The following TMTC2 variants were observed in gnomAD, a reference collection of about 807,000 sequenced individuals.
The protein encoded by TMTC2 is transmembrane O-mannosyltransferase targeting cadherins 2.
TMTC2 carries 43 observed loss-of-function variants against 82.4 expected under a neutral mutation model. The observed-to-expected ratio is 0.52, with a 90% CI of 0.41 to 0.67. The LOEUF is 0.67. Among genes scored for constraint, TMTC2 ranks in the 30% least tolerant of loss-of-function variants. The pLI is 0.00. For missense variants in TMTC2, 919 were observed against 1,012.4 expected (o/e 0.91, Z 1.25); for synonymous variants, 408 against 381.9 (o/e 1.07, Z -0.80).
chr12:82,709,164 T>A (rs1873513058), intron 1 of TMTC2, among the ~76,000 whole-genome samples: 1 of 152,026 alleles, frequency 6.6e-6, no homozygotes, highest in South Asian at 2.1e-4. Flanking sequence ...TTTTTGAGAC[T>A]CCCCATTTGT....
intron 8 of TMTC2, among the ~76,000 whole-genome samples, chr12:83,030,242 C>T (rs1004184482): frequency 5.3e-5 from 8 of 151,974 alleles, no homozygotes; most frequent in Non-Finnish European, 8.8e-5. Context: ...TTCTTAGTAC[C>T]CTTGGATTGT....
At chr12:82,903,606 G>C (rs908359118) in intron 3 of TMTC2, among the ~76,000 whole-genome samples, 19 of 152,038 alleles carry the variant, frequency 1.2e-4, no homozygotes, top group African/African-American at 4.6e-4. Context: ...GTAGAGACGG[G>C]GTTTCACCGT....
rs933031512 is a variant in TMTC2 at position 82,991,663 on chromosome 12, A to G, written c.2070+5617A>G. Among the ~76,000 whole-genome samples the G allele has an allele frequency of 3.9e-5, 6 of 152,246 alleles. No individual in the cohort carries two copies. The East Asian group carries it at 5.8e-4, about 15-fold the overall frequency. On this transcript the variant is annotated intron_variant, in intron 8 of 11. Coordinates refer to ENST00000321196, the MANE Select transcript of TMTC2 (RefSeq NM_152588.3). The stretch of plus-strand genomic sequence containing the variant: ...ATGTCCAATTAAAATACTAAACACA[A>G]GATGAGTTTGAATTGCTCTGCTTAA...
Position 82,830,132 on chromosome 12 carries a change from G to GT in TMTC2, c.84-26869dup, listed in dbSNP as rs533535957. Among the ~76,000 whole-genome samples the GT allele has an allele frequency of 2.0e-3, 295 of 151,124 alleles. 1 individual carries two copies. The highest frequency in any genetic ancestry group is 3.1e-3 in the Non-Finnish European group (211 of 67,680). ...CAGTGCCCTGAGAAAGCAAGCTTACGTTTTTTTTTCTTTAAGGGGAATTTG... is the reference window on the plus strand; with the variant it reads ...CAGTGCCCTGAGAAAGCAAGCTTACGTTTTTTTTTTCTTTAAGGGGAATTTG... On this transcript the variant is annotated intron_variant, in intron 1 of 11. Transcript: ENST00000321196.
chr12:83,032,307 A>G (rs1045269369), intron 9 of TMTC2, among the ~76,000 whole-genome samples: 4 of 141,080 alleles, frequency 2.8e-5, no homozygotes, highest in Non-Finnish European at 4.6e-5. Flanking sequence ...GTTTGTCACA[A>G]TCCATTTCTT....
At chr12:82,974,740 G>T (rs992479539) in intron 7 of TMTC2, among the ~76,000 whole-genome samples, 6 of 152,166 alleles carry the variant, frequency 3.9e-5, no homozygotes, top group African/African-American at 1.4e-4. Flanking sequence ...TCTATTTCAT[G>T]CATAGGTTTG....
intron 10 of TMTC2, among the ~76,000 whole-genome samples, chr12:83,054,532 T>A (rs1316327394): frequency 1.3e-5 from 2 of 151,600 alleles, no homozygotes; most frequent in African/African-American, 4.8e-5. Context: ...ACACTTGTAA[T>A]TATATATATG....
At chr12:82,749,433 T>C (rs1275774519) in intron 1 of TMTC2, among the ~76,000 whole-genome samples, 1 of 152,222 alleles carries the variant, frequency 6.6e-6, no homozygotes, top group South Asian at 2.1e-4. Flanking sequence ...ACTTGCTTGG[T>C]GTCTCTCACC....
At chr12:82,874,047 C>T (rs559751836) in intron 2 of TMTC2, among the ~76,000 whole-genome samples, 1 of 152,296 alleles carries the variant, frequency 6.6e-6, no homozygotes, top group African/African-American at 2.4e-5. Context: ...TGCTGATTTA[C>T]ATCAGATTTA....
chr12:82,878,984 C>G (rs1872701163), intron 2 of TMTC2, among the ~76,000 whole-genome samples: 1 of 152,200 alleles, frequency 6.6e-6, no homozygotes, highest in Non-Finnish European at 1.5e-5. Flanking sequence ...GTCGCTGTCT[C>G]TTGGTGAACA....
intron 11 of TMTC2, among the ~76,000 whole-genome samples, chr12:83,097,830 G>C (rs1435103391): frequency 6.6e-6 from 1 of 152,120 alleles, no homozygotes; most frequent in East Asian, 1.9e-4. Context: ...CGTGTATGAA[G>C]GCCTAAAGAG....
At chr12:83,121,121 TAATAA>T (rs1884933977) in intron 11 of TMTC2, among the ~76,000 whole-genome samples, 2 of 152,238 alleles carry the variant, frequency 1.3e-5, no homozygotes, top group Non-Finnish European at 1.5e-5. Flanking sequence ...CTGATTAGCT[TAATAA>T]CTAACCTCCT....
At chr12:83,016,215 A>G (rs1343225226) in intron 8 of TMTC2, among the ~76,000 whole-genome samples, 2 of 152,200 alleles carry the variant, frequency 1.3e-5, no homozygotes, top group African/African-American at 4.8e-5. Flanking sequence ...CTAGTGTTAA[A>G]TTAAGAAAAA....
chr12:82,959,922 A>C (rs1462279031), intron 4 of TMTC2, among the ~76,000 whole-genome samples: 2 of 152,120 alleles, frequency 1.3e-5, no homozygotes, highest in Non-Finnish European at 2.9e-5. Context: ...CACACTATGC[A>C]TCCAACAGAG....
intron 1 of TMTC2, among the ~76,000 whole-genome samples, chr12:82,785,353 A>C (rs1878125591): frequency 7.2e-6 from 1 of 139,026 alleles, no homozygotes; most frequent in Non-Finnish European, 1.6e-5. Context: ...AAATAAACAA[A>C]CAACCCCCCC....
At chr12:82,949,480 A>T (rs1057033544) in intron 4 of TMTC2, among the ~76,000 whole-genome samples, 1 of 152,298 alleles carries the variant, frequency 6.6e-6, no homozygotes, top group East Asian at 1.9e-4. Context: ...TTGCTTTTTT[A>T]AAATTTTTTA....
At position 82,947,701 on chromosome 12, in the gene TMTC2, G is replaced by A. The variant is rs894889644; in HGVS notation, c.1598+17156G>A. On this transcript the variant is annotated intron_variant, in intron 4 of 11. Coordinates refer to ENST00000321196, the MANE Select transcript of TMTC2 (RefSeq NM_152588.3). ...AATAAGCAAGTTGGCCATTTCTTAC[G>A]CCCTGTTTTTTTGTTGTTGTTTTGT... Among the ~76,000 whole-genome samples, 3 of 152,078 alleles carry A rather than the reference G, an allele frequency of 2.0e-5. No individual in the cohort carries two copies. In the East Asian group the frequency reaches 5.8e-4, roughly 29 times the overall value.
intron 1 of TMTC2, among the ~76,000 whole-genome samples, chr12:82,787,904 C>T (rs1878261510): frequency 9.9e-5 from 15 of 151,926 alleles, no homozygotes; most frequent in Admixed American, 9.8e-4. Context: ...CAGAGCAAGA[C>T]TCCATCTCAA....
At chr12:82,761,800 A>G (rs11610685) in intron 1 of TMTC2, among the ~76,000 whole-genome samples, 6,605 of 152,216 alleles carry the variant, frequency 0.043, 197 homozygotes, top group Middle Eastern at 0.078. Flanking sequence ...ACAGACCCTT[A>G]GAAATCTCAT....
Sources: allele counts gnomAD v4.1 joint callset (sites outside exome capture counted in the v4.1 genomes callset), GRCh38; gene constraint gnomAD v4.1.1; transcripts MANE v1.5; gene names NCBI Gene and HGNC (gene_info 2026-07-23, HGNC 2026-07-21).